Variants in TXNDC16 observed in about 807,000 individuals in gnomAD.
TXNDC16 encodes the protein thioredoxin domain containing 16.
A neutral mutation model predicts 85.6 loss-of-function variants in TXNDC16; 74 were observed. The ratio of observed to expected loss-of-function variants is 0.86; its 90% CI spans 0.72 to 1.05. The LOEUF (loss-of-function observed/expected upper bound fraction) is 1.05. Ranked by LOEUF, TXNDC16 falls within the 50% of genes least tolerant of loss-of-function variation. The pLI is 0.00. For missense variants in TXNDC16, 959 were observed against 947.0 expected (o/e 1.01, Z -0.17); for synonymous variants, 335 against 326.5 (o/e 1.03, Z -0.28).
intron 16 of TXNDC16, among the ~76,000 whole-genome samples, chr14:52,460,347 T>G (rs535193196): frequency 6.6e-6 from 1 of 152,312 alleles, no homozygotes; most frequent in African/African-American, 2.4e-5. Flanking sequence ...ATGGCCATAC[T>G]GCCCAAAGCA....
intron 12 of TXNDC16, 71 bp from the exon 13 acceptor site, chr14:52,483,036 G>T: frequency 2.3e-6 from 3 of 1,277,388 alleles, no homozygotes; most frequent in Non-Finnish European, 3.2e-6. Flanking sequence ...CTTCTCATAG[G>T]AAGCATATAA....
At chr14:52,537,941 A>C (rs1042917016) in intron 4 of TXNDC16, among the ~76,000 whole-genome samples, 1 of 152,240 alleles carries the variant, frequency 6.6e-6, no homozygotes, top group African/African-American at 2.4e-5. Flanking sequence ...CAAGACAAAA[A>C]GTATGAGCAA....
intron 6 of TXNDC16, among the ~76,000 whole-genome samples, chr14:52,525,756 T>G (rs1198862210): frequency 6.7e-6 from 1 of 148,416 alleles, no homozygotes; most frequent in Admixed American, 6.7e-5. Flanking sequence ...AATAAAAATT[T>G]GTTGTTACTT....
Position 52,490,414 on chromosome 14 carries a change from C to T in TXNDC16, c.961G>A (p.Val321Met), listed in dbSNP as rs781641419. 13 of 1,601,368 alleles carry T rather than the reference C, an allele frequency of 8.1e-6. No individual in the cohort carries two copies. The East Asian group carries it at 1.8e-4, about 22-fold the overall frequency. The change falls in exon 11 of 21, where the codon GTG becomes ATG. Residue 321 changes from valine to methionine, a missense_variant. Coordinates refer to ENST00000281741, the MANE Select transcript of TXNDC16 (RefSeq NM_020784.3). ...LEVNIPQDAN[V>M]VFKRAEEGVP... ...ACCTCTTCTGCTCTTTTGAAGACCA[C>T]ATTAGCATCTTGAGGAATGTTCACT... is the stretch of plus-strand genomic sequence containing the variant.
chr14:52,538,800 T>C (rs1414300578), intron 4 of TXNDC16, among the ~76,000 whole-genome samples: 8 of 152,168 alleles, frequency 5.3e-5, no homozygotes. Flanking sequence ...TTCAATTTAA[T>C]TTTAATGGGA....
intron 6 of TXNDC16, among the ~76,000 whole-genome samples, chr14:52,530,262 A>ATAATATATAATATATATTATTATATAAT (rs2037482089): frequency 1.9e-5 from 1 of 53,588 alleles, no homozygotes; most frequent in Admixed American, 3.5e-4. Context: ...ATATTATATA[A>ATAATATATAATATATATTATTATATAAT]TATATATTAT....
At chr14:52,551,374 G>A (rs1398387268) in intron 1 of TXNDC16, among the ~76,000 whole-genome samples, 1 of 151,580 alleles carries the variant, frequency 6.6e-6, no homozygotes, top group East Asian at 1.9e-4. Flanking sequence ...AGCTACTTGG[G>A]AGGCTGAGGT....
At chr14:52,438,578 G>T (rs2035087268) in intron 20 of TXNDC16, among the ~76,000 whole-genome samples, 1 of 152,126 alleles carries the variant, frequency 6.6e-6, no homozygotes. Flanking sequence ...TCAGTATAGT[G>T]TAAACATAAC....
chr14:52,458,326 G>C (rs2035579667), intron 16 of TXNDC16, among the ~76,000 whole-genome samples: 1 of 152,154 alleles, frequency 6.6e-6, no homozygotes, highest in African/African-American at 2.4e-5. Context: ...TGGGAGGCGA[G>C]GTGGGTGGAT....
intron 18 of TXNDC16, among the ~76,000 whole-genome samples, chr14:52,450,853 TTATATATA>T (rs71125107): frequency 0.034 from 4,987 of 145,094 alleles, 255 homozygotes; most frequent in African/African-American, 0.12. Context: ...AAAATGTGTT[TTATATATA>T]TATATATATA....
At chr14:52,471,440 C>T (rs143653148) in intron 14 of TXNDC16, among the ~76,000 whole-genome samples, 66 of 152,272 alleles carry the variant, frequency 4.3e-4, no homozygotes, top group African/African-American at 1.6e-3. Flanking sequence ...CTTACCCCCA[C>T]CAACCTTTTG....
At chr14:52,516,908 T>A (rs776191524) in intron 7 of TXNDC16, among the ~76,000 whole-genome samples, 1 of 152,118 alleles carries the variant, frequency 6.6e-6, no homozygotes, top group Non-Finnish European at 1.5e-5. Context: ...CCTGTCATAA[T>A]CCTTGGGAAT....
At chr14:52,463,010 A>C (rs773054185) in intron 16 of TXNDC16, 97 of 454,446 alleles carry the variant, frequency 2.1e-4, no homozygotes, top group Non-Finnish European at 3.5e-4. Context: ...GATAGAACAC[A>C]AAAGTCCCTG....
chr14:52,514,388 G>A (rs1432194661), intron 8 of TXNDC16, among the ~76,000 whole-genome samples: 1 of 152,120 alleles, frequency 6.6e-6, no homozygotes, highest in East Asian at 1.9e-4. Context: ...TTAACCCTAG[G>A]TTGCCCAGCC....
chr14:52,460,776 C>G (rs1406135776), intron 16 of TXNDC16, among the ~76,000 whole-genome samples: 2 of 152,102 alleles, frequency 1.3e-5, no homozygotes, highest in Non-Finnish European at 2.9e-5. Flanking sequence ...GAATATGTCT[C>G]TTCTTTCTCC....
chr14:52,451,165 A>ACC (rs2035402907), intron 18 of TXNDC16, among the ~76,000 whole-genome samples: 1 of 151,872 alleles, frequency 6.6e-6, no homozygotes, highest in African/African-American at 2.4e-5. Context: ...TACATTGGGT[A>ACC]CAGTGCATAA....
intron 9 of TXNDC16, among the ~76,000 whole-genome samples, chr14:52,493,216 T>TATATATATACAC: frequency 6.9e-5 from 8 of 115,998 alleles, no homozygotes; most frequent in African/African-American, 2.8e-4. Context: ...TATATATATA[T>TATATATATACAC]ACACACACAC....
chr14:52,474,901 C>A (rs1342822130), intron 14 of TXNDC16, among the ~76,000 whole-genome samples: 3 of 152,154 alleles, frequency 2.0e-5, no homozygotes, highest in Non-Finnish European at 4.4e-5. Flanking sequence ...TGCAGCAATA[C>A]ATTAGGAAAG....
At chr14:52,492,819 C>T (rs1299628948) in intron 9 of TXNDC16, among the ~76,000 whole-genome samples, 1 of 152,172 alleles carries the variant, frequency 6.6e-6, no homozygotes, top group African/African-American at 2.4e-5. Flanking sequence ...CAACCCTCCT[C>T]GGCCCAGTCA....
Sources: allele counts gnomAD v4.1 joint callset (sites outside exome capture counted in the v4.1 genomes callset), GRCh38; gene constraint gnomAD v4.1.1; transcripts MANE v1.5; gene names NCBI Gene and HGNC (gene_info 2026-07-23, HGNC 2026-07-21).